The following CHRM3 variants were observed in gnomAD, a reference collection of about 807,000 sequenced individuals.
CHRM3 encodes muscarinic acetylcholine receptor M3.
A neutral mutation model predicts 41.8 loss-of-function variants in CHRM3; 11 were observed. The observed-to-expected ratio is 0.26, with a 90% confidence interval of 0.17 to 0.44. The LOEUF is 0.44. Among genes scored for constraint, CHRM3 ranks in the 20% least tolerant of loss-of-function variants. The pLI is 1.00. For missense variants in CHRM3, 571 were observed against 745.4 expected (o/e 0.77, Z 2.72); for synonymous variants, 297 against 301.4 (o/e 0.99, Z 0.15).
rs550474281 is a variant in CHRM3 at position 239,759,081 on chromosome 1, G to A, written c.-146-68171G>A. The stretch of plus-strand genomic sequence containing the variant: ...AGTCAAGCATTCAGGTTTATTAAAT[G>A]GCTCCATACCTAAAGCAAAAAAGCA... On this transcript the variant is annotated intron_variant, in intron 5 of 6. Transcript: ENST00000676153. Among the ~76,000 whole-genome samples the A allele has an allele frequency of 2.3e-3, 346 of 151,668 alleles. 2 individuals carry two copies. Among genetic ancestry groups the A allele is most frequent in the Non-Finnish European group, 3.9e-3 (262 of 67,956 alleles).
chr1:239,502,996 G>A (rs1486007182), intron 2 of CHRM3, among the ~76,000 whole-genome samples: 1 of 152,086 alleles, frequency 6.6e-6, no homozygotes, highest in African/African-American at 2.4e-5. Context: ...CTGAAAACTG[G>A]AACAAGACAG....
chr1:239,731,509 A>G (rs918321685), intron 5 of CHRM3, among the ~76,000 whole-genome samples: 2 of 151,988 alleles, frequency 1.3e-5, no homozygotes, highest in Non-Finnish European at 2.9e-5. Flanking sequence ...CTATTCTTAT[A>G]TGCCGTTAGT....
At chr1:239,839,692 T>C (rs1673619550) in intron 6 of CHRM3, among the ~76,000 whole-genome samples, 1 of 152,134 alleles carries the variant, frequency 6.6e-6, no homozygotes, top group Non-Finnish European at 1.5e-5. Flanking sequence ...AGTCCACTTA[T>C]TCATATTCCC....
At chr1:239,726,419 G>A (rs909064182) in intron 5 of CHRM3, among the ~76,000 whole-genome samples, 7 of 151,370 alleles carry the variant, frequency 4.6e-5, no homozygotes, top group Admixed American at 1.3e-4. Flanking sequence ...TTTTTTTTCC[G>A]CCATATTTTC....
intron 2 of CHRM3, among the ~76,000 whole-genome samples, chr1:239,501,977 A>G (rs1668271337): frequency 6.6e-6 from 1 of 152,200 alleles, no homozygotes; most frequent in Admixed American, 6.5e-5. Context: ...AGAAAGACTG[A>G]CAGAGCATGA....
At chr1:239,754,972 T>C (rs1666124429) in intron 5 of CHRM3, among the ~76,000 whole-genome samples, 1 of 152,216 alleles carries the variant, frequency 6.6e-6, no homozygotes, top group South Asian at 2.1e-4. Flanking sequence ...CCCAAGGCTA[T>C]CCTATCTTGT....
chr1:239,796,812 A>G (rs1669813985), intron 5 of CHRM3, among the ~76,000 whole-genome samples: 1 of 151,982 alleles, frequency 6.6e-6, no homozygotes, highest in South Asian at 2.1e-4. Flanking sequence ...TGTACATTGT[A>G]CCCAGTGGGT....
chr1:239,806,436 ACACACACC>A (rs1272673948), intron 5 of CHRM3, among the ~76,000 whole-genome samples: 1 of 151,050 alleles, frequency 6.6e-6, no homozygotes, highest in African/African-American at 2.4e-5. Flanking sequence ...ACACACACAC[ACACACACC>A]CCTGTGGACA....
At chr1:239,845,327 T>C (rs779421880) in intron 6 of CHRM3, among the ~76,000 whole-genome samples, 8 of 152,226 alleles carry the variant, frequency 5.3e-5, no homozygotes, top group African/African-American at 1.7e-4. Context: ...ATTTTTACTC[T>C]GCTAGGTTTT....
At chr1:239,456,885 A>G (rs1322925691) in intron 1 of CHRM3, among the ~76,000 whole-genome samples, 2 of 152,228 alleles carry the variant, frequency 1.3e-5, no homozygotes, top group Non-Finnish European at 2.9e-5. Flanking sequence ...TGACCCAAGT[A>G]TAAAAACTAA....
intron 4 of CHRM3, among the ~76,000 whole-genome samples, chr1:239,647,255 A>G (rs1403580604): frequency 1.3e-5 from 2 of 152,118 alleles, no homozygotes; most frequent in Non-Finnish European, 2.9e-5. Context: ...GTTTCACCAC[A>G]TCACTCCAAC....
intron 6 of CHRM3, among the ~76,000 whole-genome samples, chr1:239,852,738 A>G (rs765058683): frequency 6.6e-6 from 1 of 152,198 alleles, no homozygotes; most frequent in Non-Finnish European, 1.5e-5. Flanking sequence ...TATTCAGCAC[A>G]TAGTGCTGAC....
chr1:239,914,561 C>G lies in CHRM3; in HGVS notation c.*5337C>G, dbSNP rs369540963. On this transcript the variant is annotated 3_prime_UTR_variant, in exon 7 of 7. Transcript: ENST00000676153. ...GTCCAAAGAGGAAAAAGAAAATTAACTCTGTTTTTTATCCCTAGAACTCAG... is the reference window on the plus strand; with the variant it reads ...GTCCAAAGAGGAAAAAGAAAATTAAGTCTGTTTTTTATCCCTAGAACTCAG... 1.8e-5 allele frequency: 3 copies of G among 167,118 alleles called. No homozygotes were observed. The East Asian group carries it at 5.8e-4, about 32-fold the overall frequency. 10.4% of individuals were successfully genotyped at this position (167,118 alleles called of 1,614,324 possible). A position where few individuals can be genotyped will look rare whatever the true frequency, so the allele number is the denominator to read the frequency against.
intron 5 of CHRM3, among the ~76,000 whole-genome samples, chr1:239,802,154 T>C (rs1005146574): frequency 1.3e-5 from 2 of 152,174 alleles, no homozygotes; most frequent in Non-Finnish European, 2.9e-5. Flanking sequence ...CAAGTTTGGA[T>C]GAAGCCAAGC....
intron 6 of CHRM3, among the ~76,000 whole-genome samples, chr1:239,852,013 T>C (rs187720535): frequency 6.6e-5 from 10 of 152,206 alleles, no homozygotes; most frequent in South Asian, 2.1e-4. Context: ...GGCATCGTGA[T>C]GTTTGAGAAG....
intron 1 of CHRM3, among the ~76,000 whole-genome samples, chr1:239,431,302 C>T (rs1314345805): frequency 6.6e-6 from 1 of 152,046 alleles, no homozygotes; most frequent in Non-Finnish European, 1.5e-5. Context: ...TAGTAATCCT[C>T]CACAGATGTT....
At chr1:239,744,231 G>GAACAAA (rs1476719371) in intron 5 of CHRM3, among the ~76,000 whole-genome samples, 1 of 152,098 alleles carries the variant, frequency 6.6e-6, no homozygotes, top group Non-Finnish European at 1.5e-5. Flanking sequence ...TTTCAGAGAT[G>GAACAAA]AACAAAAGTG....
At chr1:239,751,868 G>C (rs576226877) in intron 5 of CHRM3, among the ~76,000 whole-genome samples, 1 of 152,240 alleles carries the variant, frequency 6.6e-6, no homozygotes, top group African/African-American at 2.4e-5. Flanking sequence ...TTAAAAAATA[G>C]AAACTATAAT....
chr1:239,780,398 T>C (rs963434918), intron 5 of CHRM3, among the ~76,000 whole-genome samples: 2 of 152,238 alleles, frequency 1.3e-5, no homozygotes, highest in African/African-American at 2.4e-5. Flanking sequence ...TGTTTTCCTA[T>C]GTTTCTTTGC....
Sources: allele counts gnomAD v4.1 joint callset (sites outside exome capture counted in the v4.1 genomes callset), GRCh38; gene constraint gnomAD v4.1.1; transcripts MANE v1.5; gene names NCBI Gene and HGNC (gene_info 2026-07-23, HGNC 2026-07-21).